The following CADPS2 variants were observed in gnomAD, a reference collection of about 807,000 sequenced individuals.
CADPS2 encodes the protein calcium dependent secretion activator 2, also known as calcium-dependent secretion activator 2.
In CADPS2, 93 loss-of-function variants were observed where a neutral mutation model predicts 172.5. That is an observed-to-expected ratio of 0.54 (90% CI 0.46 to 0.64). The LOEUF (loss-of-function observed/expected upper bound fraction) is 0.64. Among genes scored for constraint, CADPS2 ranks in the 30% least tolerant of loss-of-function variants. The pLI, the probability that CADPS2 is intolerant of heterozygous loss-of-function variation, is 0.00. For missense variants in CADPS2, 1,420 were observed against 1,565.9 expected, an observed-to-expected ratio of 0.91 and a Z score of 1.57; for synonymous variants, 546 against 555.2, an observed-to-expected ratio of 0.98 and a Z score of 0.23.
intron 2 of CADPS2, chr7:122,681,479 A>G: frequency 1.3e-6 from 2 of 1,517,598 alleles, no homozygotes; most frequent in Non-Finnish European, 1.8e-6. Flanking sequence ...ACATTTCTGA[A>G]GCAAGCGTCT....
At chr7:122,701,735 C>G in intron 2 of CADPS2, 3 of 788,300 alleles carry the variant, frequency 3.8e-6, no homozygotes, top group South Asian at 4.3e-5. Flanking sequence ...GGTAGAGAAG[C>G]TGAAATTTTC....
rs749971725 is a variant in CADPS2 at position 122,663,321 on chromosome 7, C to G, written c.702G>C (p.Leu234=). The G allele has an allele frequency of 2.2e-5, 36 of 1,613,892 alleles. No homozygotes were observed. In the South Asian group the frequency reaches 3.7e-4, roughly 17 times the overall value. Residue 234 remains leucine, a synonymous_variant, in exon 3 of 30, where the codon CTG becomes CTC. Transcript: ENST00000449022. ...ACATTTCATAGAGTTGTTCCTTGCTCAGAATAAGTTCAGACACTGCACTTA... is the reference window on the plus strand; with the variant it reads ...ACATTTCATAGAGTTGTTCCTTGCTGAGAATAAGTTCAGACACTGCACTTA... The part of the protein sequence containing the change: ...MALSAVSELI[L]SKEQLYEMFQ...
chr7:122,389,651 T>C (rs2044124774), intron 22 of CADPS2, among the ~76,000 whole-genome samples: 1 of 152,026 alleles, frequency 6.6e-6, no homozygotes, highest in Non-Finnish European at 1.5e-5. Flanking sequence ...AAAATATTCC[T>C]ACATTAAAAC....
At chr7:122,391,685 T>A (rs1393744237) in intron 22 of CADPS2, among the ~76,000 whole-genome samples, 2 of 152,182 alleles carry the variant, frequency 1.3e-5, no homozygotes, top group African/African-American at 4.8e-5. Context: ...AATGCAGTTA[T>A]GATGTTAAAC....
chr7:122,869,844 A>T (rs1038073031), intron 1 of CADPS2, among the ~76,000 whole-genome samples: 11 of 152,126 alleles, frequency 7.2e-5, no homozygotes, highest in African/African-American at 2.7e-4. Context: ...AAAGAGTAAA[A>T]GTATAGAGTT....
At chr7:122,885,938 T>C (rs1243401025) in intron 1 of CADPS2, 61 bp downstream of exon 1, 4 of 1,540,962 alleles carry the variant, frequency 2.6e-6, no homozygotes, top group East Asian at 2.4e-5. Flanking sequence ...GTCCCAGAGC[T>C]CTCCCGGGAG....
At chr7:122,436,070 A>G (rs2151930084) in intron 17 of CADPS2, among the ~76,000 whole-genome samples, 1 of 152,228 alleles carries the variant, frequency 6.6e-6, no homozygotes, top group Non-Finnish European at 1.5e-5. Flanking sequence ...TATAGTTAGC[A>G]ATATAGTACA....
At chr7:122,637,995 G>A (rs1019327445) in intron 3 of CADPS2, among the ~76,000 whole-genome samples, 1 of 152,166 alleles carries the variant, frequency 6.6e-6, no homozygotes, top group African/African-American at 2.4e-5. Context: ...GTGGTGGCTG[G>A]CAGATAGCCT....
intron 2 of CADPS2, among the ~76,000 whole-genome samples, chr7:122,695,381 G>C (rs907784315): frequency 6.6e-5 from 10 of 152,156 alleles, no homozygotes; most frequent in Non-Finnish European, 1.3e-4. Context: ...CTAGGTACAA[G>C]AGAAAATGGT....
chr7:122,456,898 T>C (rs937575589), intron 14 of CADPS2, among the ~76,000 whole-genome samples: 8 of 152,234 alleles, frequency 5.3e-5, no homozygotes, highest in Non-Finnish European at 1.2e-4. Flanking sequence ...ATTTGTGCTA[T>C]TCATCAATCT....
intron 27 of CADPS2, among the ~76,000 whole-genome samples, chr7:122,351,321 CA>C (rs1309998664): frequency 1.6e-5 from 2 of 125,426 alleles, no homozygotes; most frequent in Non-Finnish European, 3.1e-5. Context: ...TGCAGTGAGC[CA>C]AGATTGCGCC....
At chr7:122,829,156 G>C (rs905776027) in intron 1 of CADPS2, among the ~76,000 whole-genome samples, 2 of 152,020 alleles carry the variant, frequency 1.3e-5, no homozygotes, top group Admixed American at 1.3e-4. Context: ...TATTGTCAGG[G>C]TGTGCTCAGC....
chr7:122,602,839 C>G (rs1180418909), intron 6 of CADPS2, among the ~76,000 whole-genome samples: 3 of 152,056 alleles, frequency 2.0e-5, no homozygotes, highest in African/African-American at 7.2e-5. Flanking sequence ...TTAAGATTAT[C>G]CTTTCTTTTG....
intron 1 of CADPS2, among the ~76,000 whole-genome samples, chr7:122,820,825 C>T (rs1803031820): frequency 7.2e-6 from 1 of 138,642 alleles, no homozygotes; most frequent in African/African-American, 2.7e-5. Flanking sequence ...TCCCAAAGTG[C>T]TGGGATTACA....
intron 2 of CADPS2, among the ~76,000 whole-genome samples, chr7:122,711,906 C>T (rs2088806833): frequency 6.6e-6 from 1 of 152,094 alleles, no homozygotes; most frequent in African/African-American, 2.4e-5. Context: ...CTGCCTCAGC[C>T]TCTCAAAGTG....
chr7:122,834,500 G>A (rs1037771665), intron 1 of CADPS2, among the ~76,000 whole-genome samples: 4 of 152,256 alleles, frequency 2.6e-5, no homozygotes, highest in East Asian at 3.9e-4. Flanking sequence ...TGCCTCACCC[G>A]GGGAGCACAA....
At chr7:122,632,869 C>T (rs559545965) in intron 3 of CADPS2, among the ~76,000 whole-genome samples, 7 of 152,120 alleles carry the variant, frequency 4.6e-5, no homozygotes, top group African/African-American at 1.4e-4. Context: ...AGTTAATTTT[C>T]GTATATGATG....
At position 122,636,889 on chromosome 7, in the gene CADPS2, C is replaced by T. The variant is rs148720203; in HGVS notation, c.787-7561G>A. ...TCTGTATTTCTTAAATTTGTACGTCCAACTCTCTAGTGAGATTGGTGAAAT... is the reference window on the plus strand; with the variant it reads ...TCTGTATTTCTTAAATTTGTACGTCTAACTCTCTAGTGAGATTGGTGAAAT... On this transcript the variant is annotated intron_variant, in intron 3 of 29. Transcript: ENST00000449022. Among the ~76,000 whole-genome samples the T allele has an allele frequency of 3.5e-3, 534 of 152,114 alleles. 1 individual carries two copies. Among genetic ancestry groups the T allele is most frequent in the Middle Eastern group, 0.014 (4 of 294 alleles).
At chr7:122,532,320 C>T (rs1231656529) in intron 8 of CADPS2, among the ~76,000 whole-genome samples, 1 of 152,142 alleles carries the variant, frequency 6.6e-6, no homozygotes, top group African/African-American at 2.4e-5. Flanking sequence ...TTATCTATTG[C>T]TAATGTAGGT....
Sources: allele counts gnomAD v4.1 joint callset (sites outside exome capture counted in the v4.1 genomes callset), GRCh38; gene constraint gnomAD v4.1.1; transcripts MANE v1.5; gene names NCBI Gene and HGNC (gene_info 2026-07-23, HGNC 2026-07-21).